The following PIK3CB variants were observed in gnomAD, a reference collection of about 807,000 sequenced individuals.
PIK3CB encodes phosphatidylinositol 4,5-bisphosphate 3-kinase catalytic subunit beta isoform.
A neutral mutation model predicts 136.8 loss-of-function variants in PIK3CB; 39 were observed. The ratio of observed to expected loss-of-function variants is 0.29; its 90% CI spans 0.22 to 0.37. The LOEUF (loss-of-function observed/expected upper bound fraction) is 0.37, where lower values mean the gene tolerates loss of function less well. Among genes scored for constraint, PIK3CB ranks in the 10% least tolerant of loss-of-function variants. The pLI, the probability that PIK3CB is intolerant of heterozygous loss-of-function variation, is 1.00. For synonymous variants in PIK3CB, 428 were observed against 436.6 expected, an observed-to-expected ratio of 0.98 and a Z score of 0.25; for missense variants, 868 against 1,275.4, an observed-to-expected ratio of 0.68 and a Z score of 4.87.
In PIK3CB at chr3:138,781,546, G is replaced by A. The variant is rs114588853; in HGVS notation, c.-17+14917C>T. On this transcript the variant is annotated intron_variant, in intron 2 of 23. Coordinates refer to ENST00000674063, the MANE Select transcript of PIK3CB (RefSeq NM_006219.3). ...TGGCTCACTGCAAACTCCGACTCCC[G>A]GGTTCAGGTGATTCTCTTGCCTCAG... Among the ~76,000 whole-genome samples, 865 of 151,742 alleles carry A rather than the reference G, an allele frequency of 5.7e-3. 10 individuals carry two copies. Among genetic ancestry groups the A allele is most frequent in the African/African-American group, 0.02 (825 of 41,358 alleles).
intron 19 of PIK3CB, among the ~76,000 whole-genome samples, chr3:138,674,167 T>C (rs1266920092): frequency 6.6e-6 from 1 of 151,868 alleles, no homozygotes; most frequent in East Asian, 1.9e-4. Context: ...GGTAGGAATC[T>C]AGAAGGCCGT....
chr3:138,734,623 A>G lies in PIK3CB; in HGVS notation c.972+11T>C. 1 of 1,594,836 alleles carries G rather than the reference A, an allele frequency of 6.3e-7. No homozygotes were observed. The highest frequency in any genetic ancestry group is 8.6e-7 in the Non-Finnish European group (1 of 1,166,496). ...TTTTGGGGTTACTAAAGGTTCAGAA[A>G]TAAAACTTACAGAAATAATTCGTGT... On this transcript the variant is annotated intron_variant, in intron 7 of 23. Coordinates refer to ENST00000674063, the MANE Select transcript of PIK3CB (RefSeq NM_006219.3).
intron 19 of PIK3CB, among the ~76,000 whole-genome samples, chr3:138,678,082 G>T (rs962244473): frequency 6.6e-6 from 1 of 152,220 alleles, no homozygotes; most frequent in South Asian, 2.1e-4. Flanking sequence ...AGACCAGAGA[G>T]AGCAACATAG....
At chr3:138,775,229 G>A (rs951850721) in intron 2 of PIK3CB, among the ~76,000 whole-genome samples, 2 of 152,140 alleles carry the variant, frequency 1.3e-5, no homozygotes, top group African/African-American at 4.8e-5. Context: ...CTCAGTGCTA[G>A]GCCTTGATCA....
In PIK3CB at chr3:138,824,242, C is replaced by T. The variant is rs1576434429; in HGVS notation, c.-122+10453G>A. On this transcript the variant is annotated intron_variant, in intron 1 of 23. Coordinates refer to ENST00000674063, the MANE Select transcript of PIK3CB (RefSeq NM_006219.3). The stretch of plus-strand genomic sequence containing the variant: ...GCATGGATAATCAGGATCGCATTTC[C>T]CTTGAGGGCAAATCAGCATTTGCCT... 4.6e-5 allele frequency among the ~76,000 whole-genome samples: 7 copies of T among 152,078 alleles called. No individual in the cohort carries two copies. In the South Asian group the frequency reaches 1.5e-3, roughly 32 times the overall value.
intron 7 of PIK3CB, among the ~76,000 whole-genome samples, chr3:138,734,011 C>T (rs891558367): frequency 5.3e-5 from 8 of 151,978 alleles, no homozygotes; most frequent in Admixed American, 3.3e-4. Flanking sequence ...GTAATAAAAG[C>T]TTTGTATAAA....
At position 138,663,890 on chromosome 3, in the gene PIK3CB, C is replaced by A. The variant is rs899207960; in HGVS notation, c.2796+16G>T. 3.7e-6 allele frequency: 6 copies of A among 1,611,756 alleles called. No homozygotes were observed. The African/African-American group carries it at 6.7e-5, about 18-fold the overall frequency. Reference sequence around the variant, plus strand: ...GCATTACTAAGGCCCTTGGCAGATCCTGAGGAGCAGCTCACCTGGCCAGTT... The same window carrying A: ...GCATTACTAAGGCCCTTGGCAGATCATGAGGAGCAGCTCACCTGGCCAGTT... On this transcript the variant is annotated intron_variant, in intron 21 of 23. Coordinates refer to ENST00000674063, the MANE Select transcript of PIK3CB (RefSeq NM_006219.3).
At chr3:138,760,080 C>A (rs2045641531) in intron 2 of PIK3CB, among the ~76,000 whole-genome samples, 1 of 152,126 alleles carries the variant, frequency 6.6e-6, no homozygotes, top group Admixed American at 6.6e-5. Context: ...TGCCACCATG[C>A]CTGGCTAAAT....
chr3:138,760,202 C>A (rs933018484), intron 2 of PIK3CB, among the ~76,000 whole-genome samples: 6 of 152,190 alleles, frequency 3.9e-5, no homozygotes, highest in Non-Finnish European at 8.8e-5. Flanking sequence ...GGATTACAGG[C>A]GTGACCCACC....
chr3:138,821,817 A>C (rs937420427), intron 1 of PIK3CB, among the ~76,000 whole-genome samples: 4 of 151,948 alleles, frequency 2.6e-5, no homozygotes, highest in African/African-American at 9.7e-5. Context: ...AAAAGGAAAA[A>C]TATTAATAAT....
In PIK3CB at chr3:138,742,777, C is replaced by T. The variant is rs1392147305; in HGVS notation, c.402G>A (p.Leu134=). Residue 134 remains leucine (L), a synonymous_variant, in exon 5 of 24, where the codon CTG becomes CTA. Coordinates refer to ENST00000674063, the MANE Select transcript of PIK3CB (RefSeq NM_006219.3). ...SKIGVLIGKG[L]HEFDSLKDPE... is the part of the protein sequence containing the mutation. ...GATCCTTCAAGGAATCAAATTCATG[C>T]AGACCTAAACACATTTTTTAAAGGT... 2 of 1,559,334 alleles carry T rather than the reference C, an allele frequency of 1.3e-6. No individual in the cohort carries two copies. Among genetic ancestry groups the T allele is most frequent in the South Asian group, 1.2e-5 (1 of 86,752 alleles).
intron 19 of PIK3CB, among the ~76,000 whole-genome samples, chr3:138,665,818 C>A (rs1028661284): frequency 1.3e-5 from 2 of 152,208 alleles, no homozygotes; most frequent in African/African-American, 4.8e-5. Context: ...GATCCTCTCA[C>A]CCCAGCCTCC....
intron 12 of PIK3CB, among the ~76,000 whole-genome samples, chr3:138,701,508 CG>C (rs150434550): frequency 1.3e-5 from 2 of 151,898 alleles, no homozygotes; most frequent in African/African-American, 4.8e-5. Context: ...ATGATGTGGC[CG>C]GGCGTGGTGG....
chr3:138,817,358 A>C (rs1933382735), intron 1 of PIK3CB, among the ~76,000 whole-genome samples: 2 of 149,120 alleles, frequency 1.3e-5, no homozygotes, highest in African/African-American at 4.9e-5. Flanking sequence ...AAACAAAAAC[A>C]AAAAAAAATT....
At chr3:138,708,141 T>C (rs762924662) in intron 10 of PIK3CB, among the ~76,000 whole-genome samples, 10 of 152,172 alleles carry the variant, frequency 6.6e-5, no homozygotes, top group Non-Finnish European at 1.2e-4. Flanking sequence ...CTAATGTCCA[T>C]AAAGTATGCA....
In PIK3CB at chr3:138,657,682, G is replaced by C. The variant is rs768345008; in HGVS notation, c.2942+8C>G. On this transcript the variant is annotated splice_region_variant and intron_variant, in intron 22 of 23. Coordinates refer to ENST00000674063, the MANE Select transcript of PIK3CB (RefSeq NM_006219.3). Reference sequence around the variant, plus strand: ...AGTGTTCAGCCTTGGCACAAGGGCAGTACTCACCGGCCAAACTTTTCTGTA... The same window carrying C: ...AGTGTTCAGCCTTGGCACAAGGGCACTACTCACCGGCCAAACTTTTCTGTA... 1.2e-6 allele frequency: 2 copies of C among 1,612,632 alleles called. No homozygotes were observed. The highest frequency in any genetic ancestry group is 4.5e-5 in the East Asian group (2 of 44,848).
chr3:138,799,337 C>A (rs1380548817), intron 1 of PIK3CB, among the ~76,000 whole-genome samples: 2 of 151,938 alleles, frequency 1.3e-5, no homozygotes, highest in South Asian at 2.1e-4. Flanking sequence ...GCTACCACAT[C>A]TGGCTATTTT....
At chr3:138,706,522 T>G (rs1420639333) in intron 11 of PIK3CB, among the ~76,000 whole-genome samples, 1 of 152,356 alleles carries the variant, frequency 6.6e-6, no homozygotes, top group East Asian at 1.9e-4. Flanking sequence ...CCTTTAATAT[T>G]TGAAACAACA....
chr3:138,799,432 G>C (rs2046147200), intron 1 of PIK3CB, among the ~76,000 whole-genome samples: 2 of 151,734 alleles, frequency 1.3e-5, no homozygotes, highest in Non-Finnish European at 2.9e-5. Flanking sequence ...GCTCGCCTCA[G>C]CTTCCCAAAG....
Sources: gnomAD v4.1 joint callset for allele counts (sites outside exome capture counted in the v4.1 genomes callset) on GRCh38, gnomAD v4.1.1 for gene constraint, MANE v1.5 for transcripts, NCBI Gene and HGNC (gene_info 2026-07-23, HGNC 2026-07-21) for gene names.